Variants in DLGAP2 observed in about 807,000 individuals in gnomAD.
DLGAP2 encodes disks large-associated protein 2.
DLGAP2 carries 26 observed loss-of-function variants against 100.3 expected under a neutral mutation model. The ratio of observed to expected loss-of-function variants is 0.26; its 90% CI spans 0.19 to 0.36. The LOEUF (loss-of-function observed/expected upper bound fraction) is 0.36. DLGAP2 is among the 10% of genes least tolerant of loss of function. The probability of loss-of-function intolerance (pLI) is 1.00; values close to 1 mark genes in which losing one functional copy is unlikely to be tolerated. For synonymous variants in DLGAP2, 886 were observed against 630.1 expected (o/e 1.41, Z -6.08); for missense variants, 1,858 against 1,453.2 (o/e 1.28, Z -4.53).
intron 3 of DLGAP2, among the ~76,000 whole-genome samples, chr8:1,298,531 C>T (rs1221907705): frequency 2.6e-5 from 4 of 152,070 alleles, no homozygotes; most frequent in Non-Finnish European, 5.9e-5. Flanking sequence ...AGGCAGCGTA[C>T]CCTGCAGAAG....
intron 6 of DLGAP2, among the ~76,000 whole-genome samples, chr8:1,610,119 A>ATT (rs1433737539): frequency 6.6e-6 from 1 of 151,970 alleles, no homozygotes; most frequent in Non-Finnish European, 1.5e-5. Context: ...CTATTCCAAA[A>ATT]TTGACCACAT....
chr8:1,178,225 G>A (rs748846433), intron 2 of DLGAP2, among the ~76,000 whole-genome samples: 17 of 152,236 alleles, frequency 1.1e-4, no homozygotes, highest in Non-Finnish European at 1.8e-4. Context: ...TAATGTCCCA[G>A]AGATGATTTA....
intron 6 of DLGAP2, among the ~76,000 whole-genome samples, chr8:1,585,484 A>G (rs28493685): frequency 0.57 from 87,188 of 152,070 alleles, 25,912 homozygotes; most frequent in African/African-American, 0.74. Flanking sequence ...TAGGGCTGTC[A>G]GTTCAGGGGG....
chr8:1,548,765 G>T lies in DLGAP2; in HGVS notation c.312G>T (p.Pro104=). Residue 104 remains proline, a synonymous_variant, in exon 5 of 15, where the codon CCG becomes CCT. Transcript: ENST00000637795. ...GGCACACGTGTGGTCTGGCGCCCCC[G>T]GAGGACTGCGAGCACCTGCACCACG... The part of the protein sequence containing the change: ...CSGHTCGLAP[P]EDCEHLHHGP... 6.3e-7 allele frequency: 1 copy of T among 1,599,350 alleles called. No homozygotes were observed. Among genetic ancestry groups the T allele is most frequent in the Non-Finnish European group, 8.5e-7 (1 of 1,175,304 alleles).
At chr8:851,835 A>C (rs2128987807) in intron 1 of DLGAP2, among the ~76,000 whole-genome samples, 2 of 151,950 alleles carry the variant, frequency 1.3e-5, no homozygotes, top group Middle Eastern at 6.8e-3. Context: ...CTGTTCCGTG[A>C]CTGCTGGGTG....
In DLGAP2 at chr8:1,705,143, G is replaced by C. The variant is rs1278392775; in HGVS notation, c.*3737G>C. 1 of 152,264 alleles carries C rather than the reference G, an allele frequency of 6.6e-6. No homozygotes were observed. Among genetic ancestry groups the C allele is most frequent in the African/African-American group, 2.4e-5 (1 of 41,460 alleles). 9.4% of individuals were successfully genotyped at this position (152,264 alleles called of 1,614,324 possible). A position where few individuals can be genotyped will look rare whatever the true frequency, so the allele number is the denominator to read the frequency against. On this transcript the variant is annotated 3_prime_UTR_variant, in exon 15 of 15. Transcript: ENST00000637795. The stretch of plus-strand genomic sequence containing the variant: ...CTGTGGTAACTGTGGAATGAGCTCT[G>C]TTAGGGACAGTTGTCTGGTTTGTGC...
chr8:1,100,615 A>G (rs80110250), intron 2 of DLGAP2, among the ~76,000 whole-genome samples: 3,714 of 152,234 alleles, frequency 0.024, 154 homozygotes, highest in African/African-American at 0.084. Context: ...TAAGAAAATG[A>G]AGGTAGGTCA....
chr8:1,683,850 ATATATATG>A (rs1218743230), intron 12 of DLGAP2, among the ~76,000 whole-genome samples: 3 of 72,084 alleles, frequency 4.2e-5, no homozygotes, highest in African/African-American at 9.1e-5. Context: ...ATATATATAT[ATATATATG>A]TGTGTGTGTG....
intron 2 of DLGAP2, among the ~76,000 whole-genome samples, chr8:1,255,216 TCC>T (rs2116892926): frequency 1.1e-5 from 1 of 90,130 alleles, no homozygotes; most frequent in African/African-American, 7.0e-5. Context: ...TGCCCTCTCA[TCC>T]TGCCTGGGTG....
chr8:1,583,075 G>A (rs1357165021), intron 6 of DLGAP2, among the ~76,000 whole-genome samples: 2 of 152,220 alleles, frequency 1.3e-5, no homozygotes, highest in Non-Finnish European at 2.9e-5. Context: ...ATGGATCGTG[G>A]AGGATAAAAC....
At chr8:1,467,720 G>A (rs1353201113) in intron 3 of DLGAP2, among the ~76,000 whole-genome samples, 40 of 152,178 alleles carry the variant, frequency 2.6e-4, no homozygotes, top group Admixed American at 2.6e-3. Context: ...TGGCCTGGCT[G>A]CTCTCCATAG....
At chr8:801,264 A>C (rs1440390432) in intron 1 of DLGAP2, among the ~76,000 whole-genome samples, 1 of 152,260 alleles carries the variant, frequency 6.6e-6, no homozygotes, top group African/African-American at 2.4e-5. Context: ...TTAATGAAGC[A>C]GTTTAAGGAA....
chr8:1,514,109 T>C (rs1800275742), intron 4 of DLGAP2, among the ~76,000 whole-genome samples: 1 of 152,232 alleles, frequency 6.6e-6, no homozygotes, highest in African/African-American at 2.4e-5. Context: ...TGGCGTCTTG[T>C]GGCCACACGA....
intron 2 of DLGAP2, among the ~76,000 whole-genome samples, chr8:1,110,537 G>A (rs943094908): frequency 1.3e-5 from 2 of 151,400 alleles, no homozygotes; most frequent in African/African-American, 4.9e-5. Context: ...TGTGAGGTGT[G>A]CATAGGGTGG....
chr8:1,029,178 C>T (rs554037438), intron 2 of DLGAP2, among the ~76,000 whole-genome samples: 10 of 152,186 alleles, frequency 6.6e-5, no homozygotes, highest in East Asian at 1.9e-4. Flanking sequence ...TAGCAGGCAG[C>T]GGGAGGGCTC....
chr8:1,221,476 C>T (rs1043489604), intron 2 of DLGAP2, among the ~76,000 whole-genome samples: 1 of 152,150 alleles, frequency 6.6e-6, no homozygotes, highest in African/African-American at 2.4e-5. Flanking sequence ...CACTGTTAGC[C>T]TGATGGGGTT....
At chr8:1,230,822 G>A (rs1299586915) in intron 2 of DLGAP2, among the ~76,000 whole-genome samples, 1 of 152,120 alleles carries the variant, frequency 6.6e-6, no homozygotes, top group Non-Finnish European at 1.5e-5. Flanking sequence ...GAATGAAACT[G>A]GATTCCTGCC....
At chr8:1,696,778 GC>G (rs1763926640) in intron 13 of DLGAP2, among the ~76,000 whole-genome samples, 2 of 152,300 alleles carry the variant, frequency 1.3e-5, no homozygotes, top group South Asian at 4.1e-4. Context: ...CCACCACCAG[GC>G]CAATACCACG....
At chr8:1,421,402 G>T (rs1197571875) in intron 3 of DLGAP2, among the ~76,000 whole-genome samples, 1 of 152,074 alleles carries the variant, frequency 6.6e-6, no homozygotes, top group Non-Finnish European at 1.5e-5. Context: ...CCATTCTGAG[G>T]CTCTCAGAAT....
Sources: gnomAD v4.1 joint callset for allele counts (sites outside exome capture counted in the v4.1 genomes callset) on GRCh38, gnomAD v4.1.1 for gene constraint, MANE v1.5 for transcripts, NCBI Gene and HGNC (gene_info 2026-07-23, HGNC 2026-07-21) for gene names.